C7: variants seen among roughly 807,000 people sequenced by gnomAD.
The protein encoded by C7 is complement C7.
A neutral mutation model predicts 104.8 loss-of-function variants in C7; 83 were observed. The ratio of observed to expected loss-of-function variants is 0.79; its 90% CI spans 0.66 to 0.95. The LOEUF is 0.95. Among genes scored for constraint, C7 ranks in the 40% least tolerant of loss-of-function variants. The probability of loss-of-function intolerance (pLI) is 0.00; values close to 1 mark genes in which losing one functional copy is unlikely to be tolerated. For missense variants in C7, 1,070 were observed against 1,011.2 expected (o/e 1.06, Z -0.79); for synonymous variants, 415 against 360.6 (o/e 1.15, Z -1.71).
intron 1 of C7, among the ~76,000 whole-genome samples, chr5:40,911,373 T>C (rs994086304): frequency 4.6e-5 from 7 of 152,206 alleles, no homozygotes; most frequent in African/African-American, 1.7e-4. Context: ...GTCACAGGAT[T>C]CCCTTTGGTT....
chr5:40,910,490 T>C (rs2111599485), intron 1 of C7, among the ~76,000 whole-genome samples: 1 of 152,238 alleles, frequency 6.6e-6, no homozygotes, highest in East Asian at 1.9e-4. Flanking sequence ...GAGCAAGATA[T>C]GGATCTTGAT....
intron 1 of C7, among the ~76,000 whole-genome samples, chr5:40,927,663 C>A (rs765993894): frequency 6.6e-6 from 1 of 151,944 alleles, no homozygotes; most frequent in Admixed American, 6.6e-5. Context: ...AGAAGACATG[C>A]AAATGGCCAA....
rs147294342 is a variant in C7, at chr5:40,918,163, C to T, written c.6+8547C>T. ...AAGAAAGAAAAATGTATCTTCCAGC[C>T]TGGGCAACATAGGGTGGCCCTATCT... On this transcript the variant is annotated intron_variant, in intron 1 of 17. Transcript: ENST00000313164. 8.5e-3 allele frequency among the ~76,000 whole-genome samples: 1,300 copies of T among 152,178 alleles called. 18 individuals are homozygous for T. The highest frequency in any genetic ancestry group is 0.028 in the African/African-American group (1,166 of 41,504).
chr5:40,973,883 A>C (rs1026113521), intron 15 of C7, among the ~76,000 whole-genome samples: 1 of 152,192 alleles, frequency 6.6e-6, no homozygotes, highest in Non-Finnish European at 1.5e-5. Context: ...AAATTCTATT[A>C]AAGTGGGTTT....
chr5:40,961,383 CCTT>C (rs1190054007), intron 12 of C7, among the ~76,000 whole-genome samples: 1 of 145,104 alleles, frequency 6.9e-6, no homozygotes, highest in African/African-American at 2.6e-5. Flanking sequence ...ACTCTAATTA[CCTT>C]CTTCTTTTTT....
chr5:40,911,853 C>T (rs1228373464), intron 1 of C7, among the ~76,000 whole-genome samples: 2 of 151,778 alleles, frequency 1.3e-5, no homozygotes, highest in Non-Finnish European at 2.9e-5. Context: ...ATTCTTCTGC[C>T]TCAGCCTCCT....
chr5:40,945,098 GA>G (rs1740016742), intron 6 of C7, 99 bp from the exon 7 acceptor site: 2 of 655,494 alleles, frequency 3.1e-6, no homozygotes, highest in Non-Finnish European at 2.6e-6. Flanking sequence ...TTGTGCCAAT[GA>G]AGAGCTTTTC....
chr5:40,980,348 C>T (rs1394330733), intron 17 of C7: 2 of 152,702 alleles, frequency 1.3e-5, no homozygotes, highest in African/African-American at 4.8e-5. Flanking sequence ...GTTGTGGACT[C>T]TAGCCAGATA....
chr5:40,926,364 C>G (rs1579842197), intron 1 of C7, among the ~76,000 whole-genome samples: 1 of 43,080 alleles, frequency 2.3e-5, no homozygotes, highest in South Asian at 6.6e-4. Flanking sequence ...AAAATGCCCA[C>G]TTTTGCCACT....
At chr5:40,979,611 A>C in intron 16 of C7, 114 bp from the exon 17 acceptor site, 1 of 616,248 alleles carries the variant, frequency 1.6e-6, no homozygotes, top group South Asian at 4.3e-5. Flanking sequence ...TTTTTTTTTT[A>C]CTGTGGGTGA....
chr5:40,972,366 G>A (rs1365645364), intron 14 of C7, 37 bp from the exon 15 acceptor site: 1 of 1,572,806 alleles, frequency 6.4e-7, no homozygotes. Flanking sequence ...GTTTAGGAGA[G>A]CAACGACCCT....
rs116088221 is a variant in C7 at position 40,958,400 on chromosome 5, C to T, written c.1489+139C>T. The T allele has an allele frequency of 2.2e-3, 1,217 of 544,216 alleles. 12 individuals carry two copies. Among genetic ancestry groups the T allele is most frequent in the African/African-American group, 0.021 (1,106 of 52,552 alleles). The allele number at this position is 544,216 out of a possible 1,614,324, so 33.7% of individuals were successfully genotyped here. On this transcript the variant is annotated intron_variant, in intron 11 of 17. Transcript: ENST00000313164. ...TTTAGAATCCTCCTTCCCTTTCCTA[C>T]TTCCAGATTATAGCTACTGTGGTTA...
At chr5:40,961,792 C>A (rs324058) in intron 12 of C7, among the ~76,000 whole-genome samples, 118,566 of 152,148 alleles carry the variant, frequency 0.78, 46,266 homozygotes, top group South Asian at 0.93. Context: ...AGAAAGCAGA[C>A]AGTAGTATGT....
Position 40,936,357 on chromosome 5 carries a change from A to G in C7, c.300A>G (p.Ser100=), listed in dbSNP as rs1331977490. ...RCFSGQCISK[S]LVCNGDSDCD... ...GTTCAGGTCAGTGCATCAGCAAATC[A>G]TTGGTTTGCAATGGGGATTCTGACT... is the stretch of plus-strand genomic sequence containing the variant. Residue 100 remains serine, a synonymous_variant, in exon 5 of 18, where the codon TCA becomes TCG. Transcript: ENST00000313164. 2 of 1,613,222 alleles carry G rather than the reference A, an allele frequency of 1.2e-6. No homozygotes were observed. Among genetic ancestry groups the G allele is most frequent in the African/African-American group, 2.7e-5 (2 of 74,862 alleles).
At chr5:40,948,578 C>G (rs948312348) in intron 8 of C7, among the ~76,000 whole-genome samples, 1 of 152,232 alleles carries the variant, frequency 6.6e-6, no homozygotes, top group South Asian at 2.1e-4. Flanking sequence ...TCAGGACATA[C>G]CCCTGAATTA....
At chr5:40,910,133 T>C (rs1739176738) in intron 1 of C7, among the ~76,000 whole-genome samples, 1 of 151,402 alleles carries the variant, frequency 6.6e-6, no homozygotes, top group African/African-American at 2.4e-5. Flanking sequence ...AAGATATGAG[T>C]AGATGGAATA....
rs781040180 is a variant in C7 at position 40,958,091 on chromosome 5, A to T, written c.1319A>T (p.Tyr440Phe). 9.0e-5 allele frequency: 146 copies of T among 1,613,598 alleles called. 1 individual carries two copies. Among genetic ancestry groups the T allele is most frequent in the Non-Finnish European group, 9.9e-5 (117 of 1,179,778 alleles). Residue 440 changes from tyrosine to phenylalanine, a missense_variant, in exon 11 of 18, where the codon TAC (tyrosine) becomes TTC (phenylalanine). Transcript: ENST00000313164. ...CCTTGTGCCTCTGTGAAAAAACTAT[A>T]CCTGAAATGGGCTCTTGAAGAGTAT... ...EVPCASVKKL[Y>F]LKWALEEYLD...
chr5:40,920,455 G>C (rs1739415232), intron 1 of C7, among the ~76,000 whole-genome samples: 2 of 145,954 alleles, frequency 1.4e-5, no homozygotes, highest in East Asian at 2.0e-4. Context: ...AACATACAAA[G>C]ACTGAATCAT....
At chr5:40,954,949 C>G (rs1437006399) in intron 9 of C7, 3 of 175,918 alleles carry the variant, frequency 1.7e-5, no homozygotes, top group African/African-American at 6.2e-5. Context: ...GTTTTTAGAA[C>G]AGTTTTAGGT....
Sources: gnomAD v4.1 joint callset for allele counts (sites outside exome capture counted in the v4.1 genomes callset) on GRCh38, gnomAD v4.1.1 for gene constraint, MANE v1.5 for transcripts, NCBI Gene and HGNC (gene_info 2026-07-23, HGNC 2026-07-21) for gene names.